EPS15L1: variants seen among roughly 807,000 people sequenced by gnomAD.
EPS15L1 encodes epidermal growth factor receptor pathway substrate 15 like 1.
A neutral mutation model predicts 117.1 loss-of-function variants in EPS15L1; 43 were observed. That is an observed-to-expected ratio of 0.37 (90% CI 0.29 to 0.47). EPS15L1 has a LOEUF of 0.47. Among genes scored for constraint, EPS15L1 ranks in the 20% least tolerant of loss-of-function variants. The pLI, the probability that EPS15L1 is intolerant of heterozygous loss-of-function variation, is 0.99. For synonymous variants in EPS15L1, 459 were observed against 470.5 expected (o/e 0.98, Z 0.32); for missense variants, 981 against 1,164.0 (o/e 0.84, Z 2.29).
chr19:16,357,087 C>T (rs558860143), intron 23 of EPS15L1: 5 of 152,538 alleles, frequency 3.3e-5, no homozygotes, highest in South Asian at 2.1e-4. Flanking sequence ...CCCAGGCTCT[C>T]GAGGAGGGCC....
intron 22 of EPS15L1, among the ~76,000 whole-genome samples, chr19:16,376,707 G>C (rs1174383331): frequency 1.3e-5 from 2 of 152,246 alleles, no homozygotes; most frequent in Non-Finnish European, 2.9e-5. Flanking sequence ...CCCTGAGCAC[G>C]GACAGGGAGA....
intron 21 of EPS15L1, among the ~76,000 whole-genome samples, chr19:16,378,740 A>T (rs2092327042): frequency 6.6e-6 from 1 of 152,184 alleles, no homozygotes; most frequent in African/African-American, 2.4e-5. Flanking sequence ...CAGCCACAGA[A>T]GGGCCAGCAT....
chr19:16,402,024 C>T (rs1551561), intron 16 of EPS15L1: 1,133,906 of 1,139,212 alleles, frequency 1, 564,565 homozygotes, highest in Non-Finnish European at 1. Flanking sequence ...GCCCTCTGAA[C>T]TTGGGTGGTT....
chr19:16,444,035 G>A (rs1482157477), intron 1 of EPS15L1, among the ~76,000 whole-genome samples: 1 of 138,528 alleles, frequency 7.2e-6, no homozygotes, highest in African/African-American at 2.8e-5. Flanking sequence ...CTGCACTCCA[G>A]CCCAGGCGAC....
intron 1 of EPS15L1, among the ~76,000 whole-genome samples, chr19:16,458,926 C>T (rs376874602): frequency 2.2e-4 from 34 of 152,204 alleles, no homozygotes; most frequent in African/African-American, 7.5e-4. Flanking sequence ...ATTTCATCGT[C>T]GTGAGGACAT....
At chr19:16,465,207 C>A (rs2093293347) in intron 1 of EPS15L1, among the ~76,000 whole-genome samples, 1 of 152,178 alleles carries the variant, frequency 6.6e-6, no homozygotes, top group Admixed American at 6.6e-5. Flanking sequence ...TGGCCTACAC[C>A]AAACACGCCC....
In EPS15L1 at chr19:16,383,488, G is replaced by A. The variant is rs938312809; in HGVS notation, c.2247+1641C>T. On this transcript the variant is annotated intron_variant, in intron 21 of 23. Transcript: ENST00000455140. This position sits in a 1 kb window ranked among gnomAD's most constrained non-coding sequence, Gnocchi z 5.2. Reference sequence around the variant, plus strand: ...TTCTGCTTTCGGGAGATGGTTTCCCGCCTGCCCAGGAGCCTGTGCACTGGG... The same window carrying A: ...TTCTGCTTTCGGGAGATGGTTTCCCACCTGCCCAGGAGCCTGTGCACTGGG... 5.3e-5 allele frequency: 8 copies of A among 152,280 alleles called. No homozygotes were observed. Among genetic ancestry groups the A allele is most frequent in the African/African-American group, 1.9e-4 (8 of 41,558 alleles). The allele number at this position is 152,280 out of a possible 1,614,324, so 9.4% of individuals were successfully genotyped here. A position where few individuals can be genotyped will look rare whatever the true frequency, so the allele number is the denominator to read the frequency against.
intron 1 of EPS15L1, among the ~76,000 whole-genome samples, chr19:16,461,566 G>A (rs1261101075): frequency 1.3e-5 from 2 of 151,918 alleles, no homozygotes; most frequent in African/African-American, 2.4e-5. Flanking sequence ...AGGTTGCGGT[G>A]AGCTGAGATC....
intron 1 of EPS15L1, among the ~76,000 whole-genome samples, chr19:16,467,615 C>T (rs2093316184): frequency 6.6e-6 from 1 of 152,066 alleles, no homozygotes; most frequent in South Asian, 2.1e-4. Context: ...GTGGATTTTA[C>T]TCTAAAACTT....
rs2092650751 is a variant in EPS15L1 at position 16,405,853 on chromosome 19, T to C, written c.1267-1104A>G. 6.6e-6 allele frequency among the ~76,000 whole-genome samples: 1 copy of C among 152,232 alleles called. No individual in the cohort carries two copies. Among genetic ancestry groups the C allele is most frequent in the Non-Finnish European group, 1.5e-5 (1 of 68,042 alleles). On this transcript the variant is annotated intron_variant, in intron 13 of 23. Coordinates refer to ENST00000455140, the MANE Select transcript of EPS15L1 (RefSeq NM_001258374.3). The surrounding 1 kb of genome is among the most constrained non-coding windows in gnomAD (Gnocchi z 4.0). ...TTCAACCACGCAAATGCATTATCTG[T>C]CTTTAAGATAAATAACCAAAGCTGA...
intron 18 of EPS15L1, among the ~76,000 whole-genome samples, chr19:16,393,431 T>C (rs924089984): frequency 6.6e-6 from 1 of 151,786 alleles, no homozygotes; most frequent in Non-Finnish European, 1.5e-5. Context: ...GCAGATCACC[T>C]GAGGTCAAGA....
At chr19:16,426,680 C>G (rs1049956328) in intron 8 of EPS15L1, among the ~76,000 whole-genome samples, 1 of 152,014 alleles carries the variant, frequency 6.6e-6, no homozygotes, top group African/African-American at 2.4e-5. Flanking sequence ...AAGTCCACGT[C>G]AAGAGACACG....
At chr19:16,385,080 G>C in intron 21 of EPS15L1, 49 bp downstream of exon 21, 1 of 1,425,118 alleles carries the variant, frequency 7.0e-7, no homozygotes, top group South Asian at 1.1e-5. Context: ...CATGACAAGA[G>C]GCACAAAGAC....
At position 16,388,036 on chromosome 19, in the gene EPS15L1, T is replaced by C. The variant is rs372771944; in HGVS notation, c.2104-1805A>G. On this transcript the variant is annotated intron_variant, in intron 19 of 23. Coordinates refer to ENST00000455140, the MANE Select transcript of EPS15L1 (RefSeq NM_001258374.3). ...ATTAGGAGAACTGACAGCTGAAAGC[T>C]TACCAAATTTGTTTTGTTGTTTTGA... Among the ~76,000 whole-genome samples, 59 of 152,316 alleles carry C rather than the reference T, an allele frequency of 3.9e-4. No homozygotes were observed. The East Asian group carries it at 6.4e-3, about 16-fold the overall frequency.
intron 12 of EPS15L1, among the ~76,000 whole-genome samples, chr19:16,417,257 C>T (rs917794572): frequency 6.6e-6 from 1 of 152,120 alleles, no homozygotes; most frequent in African/African-American, 2.4e-5. Flanking sequence ...ACAGCTGCCA[C>T]AGGCTCTGCC....
intron 22 of EPS15L1, among the ~76,000 whole-genome samples, chr19:16,373,281 G>A (rs1425332916): frequency 1.3e-5 from 2 of 152,106 alleles, no homozygotes; most frequent in Non-Finnish European, 2.9e-5. Flanking sequence ...TGGGACCCAC[G>A]CATCTCGCGC....
chr19:16,393,491 T>C (rs2092503090), intron 18 of EPS15L1, among the ~76,000 whole-genome samples: 1 of 150,796 alleles, frequency 6.6e-6, no homozygotes, highest in African/African-American at 2.4e-5. Context: ...CTACTAAAAA[T>C]ACAAAAAATT....
chr19:16,456,077 G>A (rs1174468903), intron 1 of EPS15L1, among the ~76,000 whole-genome samples: 3 of 152,144 alleles, frequency 2.0e-5, no homozygotes, highest in Admixed American at 1.3e-4. Context: ...GCACAGGCCT[G>A]TAATCCCAGC....
chr19:16,425,320 C>T lies in EPS15L1; in HGVS notation c.559-4G>A, dbSNP rs56856203. ...CTCGGTACACCAAGTGCATGGCCTG[C>T]AGGTGCAAACAACAATGGCACTGAA... is the stretch of plus-strand genomic sequence containing the variant. On this transcript the variant is annotated splice_region_variant and splice_polypyrimidine_tract_variant and intron_variant, in intron 8 of 23. Transcript: ENST00000455140. 353 of 1,574,034 alleles carry T rather than the reference C, an allele frequency of 2.2e-4. No homozygotes were observed. The African/African-American group carries it at 4.3e-3, about 19-fold the overall frequency.
Sources: gnomAD v4.1 joint callset for allele counts (sites outside exome capture counted in the v4.1 genomes callset) on GRCh38, gnomAD v4.1.1 for gene constraint, Gnocchi (gnomAD v3.1) non-coding constraint, MANE v1.5 for transcripts, NCBI Gene and HGNC (gene_info 2026-07-23, HGNC 2026-07-21) for gene names.